Variants in SHISA6 observed in about 807,000 individuals in gnomAD.
SHISA6 encodes shisa family member 6.
SHISA6 carries 22 observed loss-of-function variants against 47.9 expected under a neutral mutation model. The observed-to-expected ratio is 0.46, with a 90% CI of 0.33 to 0.66. SHISA6 has a LOEUF of 0.66. Among genes scored for constraint, SHISA6 ranks in the 30% least tolerant of loss-of-function variants. The probability of loss-of-function intolerance (pLI) is 0.02; values close to 1 mark genes in which losing one functional copy is unlikely to be tolerated. For missense variants in SHISA6, 680 were observed against 764.6 expected, an observed-to-expected ratio of 0.89 and a Z score of 1.30; for synonymous variants, 388 against 337.8, an observed-to-expected ratio of 1.15 and a Z score of -1.63.
At chr17:11,300,834 G>T (rs1478958813) in intron 2 of SHISA6, among the ~76,000 whole-genome samples, 1 of 152,134 alleles carries the variant, frequency 6.6e-6, no homozygotes. Context: ...GGGTGGTAGG[G>T]AAGGGAGGTG....
chr17:11,470,680 G>A (rs1354968848), intron 3 of SHISA6, among the ~76,000 whole-genome samples: 1 of 146,080 alleles, frequency 6.8e-6, no homozygotes, highest in Admixed American at 6.8e-5. Flanking sequence ...ATTCAATTCA[G>A]TAGGCATTGA....
At chr17:11,382,558 A>T (rs2142247589) in intron 3 of SHISA6, among the ~76,000 whole-genome samples, 1 of 152,304 alleles carries the variant, frequency 6.6e-6, no homozygotes, top group East Asian at 1.9e-4. Context: ...GAAACATCTA[A>T]TGTGGGGTCA....
intron 2 of SHISA6, among the ~76,000 whole-genome samples, chr17:11,353,742 T>C (rs1911981636): frequency 6.6e-6 from 1 of 152,128 alleles, no homozygotes; most frequent in African/African-American, 2.4e-5. Flanking sequence ...GAAGGTTAAT[T>C]TATCTGTTCA....
chr17:11,246,502 G>T (rs1597418978), intron 1 of SHISA6, among the ~76,000 whole-genome samples: 1 of 151,986 alleles, frequency 6.6e-6, no homozygotes, highest in South Asian at 2.1e-4. Flanking sequence ...AAAATAAAAA[G>T]AAAAAATAAA....
At chr17:11,434,995 T>TA (rs1294354591) in intron 3 of SHISA6, among the ~76,000 whole-genome samples, 1 of 152,142 alleles carries the variant, frequency 6.6e-6, no homozygotes, top group Non-Finnish European at 1.5e-5. Flanking sequence ...AAAGTGATAG[T>TA]ATTAAGAGAT....
At chr17:11,526,786 TG>T (rs1016931090) in intron 3 of SHISA6, among the ~76,000 whole-genome samples, 15 of 151,502 alleles carry the variant, frequency 9.9e-5, no homozygotes, top group Non-Finnish European at 1.8e-4. Flanking sequence ...ACTAGCTTTT[TG>T]TTTTTATAAT....
At chr17:11,495,168 C>A (rs1444212538) in intron 3 of SHISA6, among the ~76,000 whole-genome samples, 2 of 152,192 alleles carry the variant, frequency 1.3e-5, no homozygotes, top group Non-Finnish European at 2.9e-5. Context: ...GCATCTTGCC[C>A]ACTGCCAACT....
intron 3 of SHISA6, among the ~76,000 whole-genome samples, chr17:11,501,674 T>C (rs1350799943): frequency 6.6e-6 from 1 of 151,922 alleles, no homozygotes; most frequent in Non-Finnish European, 1.5e-5. Flanking sequence ...GTGGTGCTTC[T>C]TGAGCATGGG....
rs183629016 is a variant in SHISA6 at position 11,290,034 on chromosome 17, A to C, written c.799+26508A>C. On this transcript the variant is annotated intron_variant, in intron 2 of 5. Coordinates refer to ENST00000441885, the MANE Select transcript of SHISA6 (RefSeq NM_207386.4). ...ATATTTTTGTTACTGGTGTGTTCTA[A>C]ATATCTGTGGTGGTTGTTTTGAATT... 2.4e-3 allele frequency: 358 copies of C among 152,218 alleles called. 5 individuals are homozygous for C. Among genetic ancestry groups the C allele is most frequent in the African/African-American group, 8.3e-3 (345 of 41,526 alleles). 9.4% of individuals were successfully genotyped at this position (152,218 alleles called of 1,614,324 possible). A position where few individuals can be genotyped will look rare whatever the true frequency, so the allele number is the denominator to read the frequency against.
At chr17:11,552,238 C>T (rs2071938012) in intron 4 of SHISA6, among the ~76,000 whole-genome samples, 1 of 152,210 alleles carries the variant, frequency 6.6e-6, no homozygotes, top group Non-Finnish European at 1.5e-5. Context: ...TTCTTACAGT[C>T]ATAAATTCCA....
At chr17:11,259,582 G>T (rs564163198) in intron 1 of SHISA6, among the ~76,000 whole-genome samples, 1 of 152,232 alleles carries the variant, frequency 6.6e-6, no homozygotes, top group Non-Finnish European at 1.5e-5. Flanking sequence ...ACGTTAAAAT[G>T]TTGACTGGGC....
At chr17:11,335,508 C>T (rs2142208314) in intron 2 of SHISA6, among the ~76,000 whole-genome samples, 1 of 152,302 alleles carries the variant, frequency 6.6e-6, no homozygotes, top group East Asian at 1.9e-4. Flanking sequence ...GGCACCAGCA[C>T]AGCCTTTCCC....
intron 3 of SHISA6, among the ~76,000 whole-genome samples, chr17:11,394,763 A>C (rs1234260396): frequency 2.0e-5 from 3 of 152,080 alleles, no homozygotes; most frequent in Non-Finnish European, 4.4e-5. Context: ...ATACCCTTCG[A>C]ATTTTCCAAA....
At chr17:11,522,443 T>C (rs1351808189) in intron 3 of SHISA6, among the ~76,000 whole-genome samples, 1 of 152,114 alleles carries the variant, frequency 6.6e-6, no homozygotes, top group Non-Finnish European at 1.5e-5. Flanking sequence ...GGTTTTTTAA[T>C]TTTGTATAGA....
In SHISA6 at chr17:11,435,155, T is replaced by C. The variant is rs56097298; in HGVS notation, c.895+55646T>C. Reference sequence around the variant, plus strand: ...TCTGTTTCCCTCTCTCTCTCTCTCTTTTTTAACCATAAGAATTTGTTAGAA... The same window carrying C: ...TCTGTTTCCCTCTCTCTCTCTCTCTCTTTTAACCATAAGAATTTGTTAGAA... On this transcript the variant is annotated intron_variant, in intron 3 of 5. Transcript: ENST00000441885. Among the ~76,000 whole-genome samples, 678 of 152,010 alleles carry C rather than the reference T, an allele frequency of 4.5e-3. 2 individuals carry two copies. The highest frequency in any genetic ancestry group is 0.015 in the South Asian group (70 of 4,808).
At chr17:11,469,416 A>G (rs1915886407) in intron 3 of SHISA6, among the ~76,000 whole-genome samples, 1 of 152,190 alleles carries the variant, frequency 6.6e-6, no homozygotes, top group Admixed American at 6.5e-5. Context: ...CAGCCCCAGT[A>G]TCACCTTGAT....
At chr17:11,382,932 T>A (rs1451396139) in intron 3 of SHISA6, among the ~76,000 whole-genome samples, 2 of 49,454 alleles carry the variant, frequency 4.0e-5, no homozygotes, top group Admixed American at 3.2e-4. Flanking sequence ...GTCAGCCTTT[T>A]TTTTTTTTTT....
At chr17:11,345,272 C>T (rs1911662955) in intron 2 of SHISA6, among the ~76,000 whole-genome samples, 2 of 150,674 alleles carry the variant, frequency 1.3e-5, no homozygotes, top group Admixed American at 1.3e-4. Context: ...TAGATATCTC[C>T]TCAACATAAC....
At chr17:11,507,514 C>T (rs541127850) in intron 3 of SHISA6, among the ~76,000 whole-genome samples, 3 of 152,220 alleles carry the variant, frequency 2.0e-5, no homozygotes, top group Non-Finnish European at 2.9e-5. Flanking sequence ...GTTTCCCACC[C>T]GCTGAGGAAA....
Sources: gnomAD v4.1 joint callset for allele counts (sites outside exome capture counted in the v4.1 genomes callset) on GRCh38, gnomAD v4.1.1 for gene constraint, MANE v1.5 for transcripts, NCBI Gene and HGNC (gene_info 2026-07-23, HGNC 2026-07-21) for gene names.